The following MCC variants were observed in gnomAD, a reference collection of about 807,000 sequenced individuals.
MCC encodes the protein colorectal mutant cancer protein.
A neutral mutation model predicts 116.2 loss-of-function variants in MCC; 90 were observed. The observed-to-expected ratio is 0.77, with a 90% CI of 0.65 to 0.92. MCC has a LOEUF of 0.92. Ranked by LOEUF, MCC falls within the 40% of genes least tolerant of loss-of-function variation. The pLI is 0.00. For synonymous variants in MCC, 578 were observed against 510.5 expected (o/e 1.13, Z -1.78); for missense variants, 1,516 against 1,312.2 (o/e 1.16, Z -2.40).
intron 3 of MCC, among the ~76,000 whole-genome samples, chr5:113,246,797 C>T (rs1395660378): frequency 6.6e-6 from 1 of 152,214 alleles, no homozygotes; most frequent in Non-Finnish European, 1.5e-5. Context: ...TTAATCATCA[C>T]AACAGGGAAG....
intron 3 of MCC, among the ~76,000 whole-genome samples, chr5:113,251,040 G>C (rs1480815578): frequency 1.3e-5 from 2 of 152,142 alleles, no homozygotes; most frequent in East Asian, 3.8e-4. Context: ...GGTTTCTTAA[G>C]GTCCTATTTT....
At chr5:113,402,525 C>G (rs1299606350) in intron 1 of MCC, among the ~76,000 whole-genome samples, 5 of 152,070 alleles carry the variant, frequency 3.3e-5, no homozygotes, top group Non-Finnish European at 2.9e-5. Flanking sequence ...CAATAAAGTT[C>G]TCCTAAATAT....
intron 2 of MCC, among the ~76,000 whole-genome samples, chr5:113,347,140 T>C (rs894464195): frequency 2.6e-5 from 4 of 152,160 alleles, no homozygotes; most frequent in African/African-American, 9.7e-5. Flanking sequence ...AGTGCTCATC[T>C]GAAGATATAA....
At chr5:113,309,449 G>A (rs894131444) in intron 3 of MCC, among the ~76,000 whole-genome samples, 1 of 152,144 alleles carries the variant, frequency 6.6e-6, no homozygotes, top group Non-Finnish European at 1.5e-5. Context: ...ATTTATAAGT[G>A]AGAATATGTG....
chr5:113,375,550 T>C (rs1407836419), intron 2 of MCC, among the ~76,000 whole-genome samples: 2 of 152,216 alleles, frequency 1.3e-5, no homozygotes, highest in Non-Finnish European at 2.9e-5. Context: ...AGCTGAGCAG[T>C]ACTTTGGCTT....
chr5:113,236,209 AAAT>A (rs1764124621), intron 3 of MCC, among the ~76,000 whole-genome samples: 1 of 152,170 alleles, frequency 6.6e-6, no homozygotes, highest in Non-Finnish European at 1.5e-5. Flanking sequence ...CCTAGGTTTG[AAAT>A]AATATTGCTG....
chr5:113,067,548 G>T (rs565882593), intron 13 of MCC, among the ~76,000 whole-genome samples: 1 of 152,118 alleles, frequency 6.6e-6, no homozygotes, highest in Non-Finnish European at 1.5e-5. Context: ...GAGGCAGGAG[G>T]ATGCTTGAAC....
intron 14 of MCC, among the ~76,000 whole-genome samples, chr5:113,061,499 T>A (rs997156610): frequency 6.6e-6 from 1 of 152,234 alleles, no homozygotes; most frequent in African/African-American, 2.4e-5. Flanking sequence ...ACTCTGTCCA[T>A]AAGACTATTA....
At chr5:113,273,343 G>C (rs1022816376) in intron 3 of MCC, among the ~76,000 whole-genome samples, 1 of 152,136 alleles carries the variant, frequency 6.6e-6, no homozygotes, top group African/African-American at 2.4e-5. Context: ...CTGCCCCCAG[G>C]GAATGTACTG....
chr5:113,169,414 T>C (rs745954888), intron 3 of MCC, among the ~76,000 whole-genome samples: 3 of 152,016 alleles, frequency 2.0e-5, no homozygotes, highest in Non-Finnish European at 4.4e-5. Context: ...TCTTGCATAG[T>C]CTCCTGTAAT....
chr5:113,219,608 G>C (rs1763463615), intron 3 of MCC, among the ~76,000 whole-genome samples: 1 of 152,178 alleles, frequency 6.6e-6, no homozygotes, highest in Admixed American at 6.5e-5. Flanking sequence ...ATAGGTCCCA[G>C]TTGGAGGACC....
At chr5:113,102,970 C>A (rs751993852) in intron 7 of MCC, among the ~76,000 whole-genome samples, 2 of 152,164 alleles carry the variant, frequency 1.3e-5, no homozygotes, top group Admixed American at 6.5e-5. Flanking sequence ...AAAATTTAGC[C>A]GGGCGTGGTG....
chr5:113,424,798 A>T (rs1770440802), intron 1 of MCC, among the ~76,000 whole-genome samples: 1 of 152,098 alleles, frequency 6.6e-6, no homozygotes, highest in Admixed American at 6.6e-5. Context: ...AAAAGCAGAA[A>T]CTGAAATTTT....
intron 1 of MCC, among the ~76,000 whole-genome samples, chr5:113,409,632 A>ACCAG (rs1769926299): frequency 6.6e-6 from 1 of 152,202 alleles, no homozygotes; most frequent in Non-Finnish European, 1.5e-5. Context: ...GATTACAGGC[A>ACCAG]TGAGCCAGTG....
Position 113,398,743 on chromosome 5 carries a change from G to T in MCC, c.171-13531C>A, listed in dbSNP as rs144065916. On this transcript the variant is annotated intron_variant, in intron 1 of 18. Coordinates refer to ENST00000408903, the MANE Select transcript of MCC (RefSeq NM_001085377.2). Reference sequence around the variant, plus strand: ...ATTGGGTACTATGTTCACTATCTGGGTCATGGGTTCAATTGTATCCCAAAA... The same window carrying T: ...ATTGGGTACTATGTTCACTATCTGGTTCATGGGTTCAATTGTATCCCAAAA... Among the ~76,000 whole-genome samples, 584 of 152,306 alleles carry T rather than the reference G, an allele frequency of 3.8e-3. 5 individuals are homozygous for T. Among genetic ancestry groups the T allele is most frequent in the Non-Finnish European group, 6.2e-3 (422 of 68,036 alleles).
chr5:113,415,963 G>T (rs1400178492), intron 1 of MCC, among the ~76,000 whole-genome samples: 1 of 152,190 alleles, frequency 6.6e-6, no homozygotes, highest in Admixed American at 6.6e-5. Context: ...TGGTGAGGCT[G>T]TCCTTTTTGT....
At chr5:113,198,442 C>G (rs1431266247) in intron 3 of MCC, among the ~76,000 whole-genome samples, 7 of 151,890 alleles carry the variant, frequency 4.6e-5, no homozygotes, top group Admixed American at 4.6e-4. Context: ...CACCTGTAAT[C>G]CCAGCACTTT....
rs529051421 is a variant in MCC, at chr5:113,273,041, T to C, written c.627+67478A>G. On this transcript the variant is annotated intron_variant, in intron 3 of 18. Transcript: ENST00000408903. ...TTACTGTTACTTATTACTATTTCAC[T>C]ATTGTGAAAACATTAATGAACTAAG... 5.3e-5 allele frequency among the ~76,000 whole-genome samples: 8 copies of C among 152,368 alleles called. No individual in the cohort carries two copies. In the East Asian group the frequency reaches 1.2e-3, roughly 22 times the overall value.
intron 3 of MCC, among the ~76,000 whole-genome samples, chr5:113,220,952 C>T (rs1357256352): frequency 6.6e-6 from 1 of 152,188 alleles, no homozygotes; most frequent in Admixed American, 6.5e-5. Context: ...CCTATAATCC[C>T]AGCACTTTTG....
Sources: gnomAD v4.1 joint callset for allele counts (sites outside exome capture counted in the v4.1 genomes callset) on GRCh38, gnomAD v4.1.1 for gene constraint, MANE v1.5 for transcripts, NCBI Gene and HGNC (gene_info 2026-07-23, HGNC 2026-07-21) for gene names.